CDH18: variants seen among roughly 807,000 people sequenced by gnomAD.
The protein encoded by CDH18 is cadherin-18.
In CDH18, 31 loss-of-function variants were observed where a neutral mutation model predicts 67.9. The ratio of observed to expected loss-of-function variants is 0.46; its 90% confidence interval spans 0.34 to 0.62. The LOEUF is 0.62. Ranked by LOEUF, CDH18 falls within the 20% of genes least tolerant of loss-of-function variation. The pLI is 0.01. For synonymous variants in CDH18, 362 were observed against 347.2 expected (o/e 1.04, Z -0.48); for missense variants, 890 against 975.5 (o/e 0.91, Z 1.17).
intron 5 of CDH18, among the ~76,000 whole-genome samples, chr5:19,686,148 T>G (rs868510895): frequency 6.6e-6 from 1 of 152,114 alleles, no homozygotes; most frequent in African/African-American, 2.4e-5. Flanking sequence ...GCAAAATATA[T>G]ACAAATTCTT....
chr5:20,337,219 G>C (rs1739859307), intron 1 of CDH18, among the ~76,000 whole-genome samples: 1 of 152,156 alleles, frequency 6.6e-6, no homozygotes, highest in South Asian at 2.1e-4. Context: ...CATTGTCTTG[G>C]TGATTAACAT....
chr5:19,852,520 G>C (rs901007153), intron 2 of CDH18, among the ~76,000 whole-genome samples: 4 of 152,020 alleles, frequency 2.6e-5, no homozygotes, highest in African/African-American at 7.2e-5. Flanking sequence ...TACATCCAAA[G>C]AGAAAGTCAT....
chr5:19,770,665 A>T (rs1773631069), intron 3 of CDH18, among the ~76,000 whole-genome samples: 1 of 152,160 alleles, frequency 6.6e-6, no homozygotes, highest in East Asian at 1.9e-4. Flanking sequence ...AGAAAAAAAA[A>T]GTCCACAGAG....
At chr5:19,794,678 A>G (rs971917897) in intron 3 of CDH18, among the ~76,000 whole-genome samples, 9 of 152,048 alleles carry the variant, frequency 5.9e-5, no homozygotes, top group Non-Finnish European at 8.8e-5. Flanking sequence ...TGTAAGTACC[A>G]TTTATTTTTT....
intron 2 of CDH18, among the ~76,000 whole-genome samples, chr5:19,904,266 T>C (rs1377868819): frequency 1.3e-5 from 2 of 148,728 alleles, no homozygotes; most frequent in African/African-American, 2.5e-5. Flanking sequence ...AGTTAGACTC[T>C]GTCAAAAAGA....
intron 2 of CDH18, among the ~76,000 whole-genome samples, chr5:20,233,646 G>A (rs1317632536): frequency 6.6e-6 from 1 of 151,786 alleles, no homozygotes; most frequent in Non-Finnish European, 1.5e-5. Flanking sequence ...ATGCGTGTGT[G>A]TGTGTTTGCA....
chr5:19,917,201 T>C (rs1445223114), intron 2 of CDH18, among the ~76,000 whole-genome samples: 1 of 152,154 alleles, frequency 6.6e-6, no homozygotes, highest in Non-Finnish European at 1.5e-5. Flanking sequence ...ATTGTGGATT[T>C]TTTAAAAAAG....
intron 10 of CDH18, among the ~76,000 whole-genome samples, chr5:19,512,947 CTCT>C (rs575991740): frequency 6.6e-6 from 1 of 152,070 alleles, no homozygotes; most frequent in Admixed American, 6.6e-5. Flanking sequence ...TTTTTCTGAA[CTCT>C]TGAATACCTT....
At chr5:20,022,146 T>C (rs143068604) in intron 2 of CDH18, among the ~76,000 whole-genome samples, 66 of 152,338 alleles carry the variant, frequency 4.3e-4, no homozygotes, top group Non-Finnish European at 6.2e-4. Context: ...TACCTTTTTA[T>C]AACTTTAAAC....
At chr5:19,782,861 A>C (rs1775285378) in intron 3 of CDH18, among the ~76,000 whole-genome samples, 1 of 152,206 alleles carries the variant, frequency 6.6e-6, no homozygotes, top group Non-Finnish European at 1.5e-5. Context: ...AACTTAAGAC[A>C]TTACTCAGTA....
At chr5:19,652,614 T>C (rs1483921540) in intron 5 of CDH18, among the ~76,000 whole-genome samples, 1 of 152,068 alleles carries the variant, frequency 6.6e-6, no homozygotes, top group African/African-American at 2.4e-5. Context: ...TGCAAAACAG[T>C]TGGCCTATAT....
At chr5:19,977,695 TA>T (rs1382654891) in intron 2 of CDH18, among the ~76,000 whole-genome samples, 8 of 139,586 alleles carry the variant, frequency 5.7e-5, no homozygotes, top group African/African-American at 1.7e-4. Flanking sequence ...TCCATTCTTT[TA>T]TTTTTTTATA....
intron 1 of CDH18, among the ~76,000 whole-genome samples, chr5:19,985,293 T>C (rs74486741): frequency 0.012 from 1,842 of 152,226 alleles, 54 homozygotes; most frequent in African/African-American, 0.042. Context: ...CAAACTGGAC[T>C]GGGCAGTTGC....
At chr5:20,394,520 C>G (rs554053986) in intron 1 of CDH18, among the ~76,000 whole-genome samples, 16 of 145,848 alleles carry the variant, frequency 1.1e-4, no homozygotes, top group African/African-American at 4.1e-4. Context: ...TTGGTCTAGG[C>G]AAATAATTTA....
chr5:19,616,663 A>T (rs1749887594), intron 5 of CDH18, among the ~76,000 whole-genome samples: 1 of 152,198 alleles, frequency 6.6e-6, no homozygotes, highest in African/African-American at 2.4e-5. Context: ...AGTAATCTGA[A>T]GTGGGACTGG....
chr5:19,503,213 T>G, intron 10 of CDH18, 104 bp from the exon 11 acceptor site: 1 of 619,116 alleles, frequency 1.6e-6, no homozygotes, highest in Non-Finnish European at 2.8e-6. Context: ...AAAGGATCTT[T>G]TCTTCCAACT....
intron 2 of CDH18, among the ~76,000 whole-genome samples, chr5:20,062,633 A>AT (rs1312346337): frequency 2.0e-5 from 3 of 152,264 alleles, no homozygotes; most frequent in East Asian, 3.9e-4. Flanking sequence ...GATGGCACTG[A>AT]TTTTTTTCTA....
intron 1 of CDH18, among the ~76,000 whole-genome samples, chr5:20,505,035 G>A (rs1019001724): frequency 6.6e-6 from 1 of 151,952 alleles, no homozygotes; most frequent in African/African-American, 2.4e-5. Flanking sequence ...CCAAAGTGCT[G>A]GGATTACAGG....
intron 8 of CDH18, among the ~76,000 whole-genome samples, chr5:19,551,052 T>C (rs145684384): frequency 6.6e-6 from 1 of 152,328 alleles, no homozygotes; most frequent in Admixed American, 6.5e-5. Flanking sequence ...GGAGTACAGA[T>C]ACTTTGTAGA....
Sources: allele counts gnomAD v4.1 joint callset (sites outside exome capture counted in the v4.1 genomes callset), GRCh38; gene constraint gnomAD v4.1.1; transcripts MANE v1.5; gene names NCBI Gene and HGNC (gene_info 2026-07-23, HGNC 2026-07-21).